Variants in TMEM117 observed in about 807,000 individuals in gnomAD.
TMEM117 encodes the protein transmembrane protein 117.
A neutral mutation model predicts 52.4 loss-of-function variants in TMEM117; 27 were observed. The observed-to-expected ratio is 0.51, with a 90% CI of 0.38 to 0.71. The LOEUF is 0.71. Among genes scored for constraint, TMEM117 ranks in the 30% least tolerant of loss-of-function variants. TMEM117 has a pLI of 0.00. For synonymous variants in TMEM117, 215 were observed against 206.3 expected (o/e 1.04, Z -0.36); for missense variants, 556 against 630.5 (o/e 0.88, Z 1.26).
chr12:43,851,665 A>T (rs1943310546), intron 2 of TMEM117, among the ~76,000 whole-genome samples: 1 of 152,244 alleles, frequency 6.6e-6, no homozygotes, highest in African/African-American at 2.4e-5. Flanking sequence ...ACATACATGC[A>T]TAATACAGTA....
chr12:44,376,462 A>G, intron 6 of TMEM117, 133 bp from the exon 7 acceptor site: 1 of 1,056,014 alleles, frequency 9.5e-7, no homozygotes, highest in Middle Eastern at 2.0e-4. Context: ...TCACAGAATG[A>G]AACTGATATA....
chr12:44,333,311 C>T (rs1527319), intron 6 of TMEM117, among the ~76,000 whole-genome samples: 96,219 of 151,486 alleles, frequency 0.64, 31,294 homozygotes, highest in East Asian at 0.9. Context: ...TGGATAAAAC[C>T]GGAACTGCCC....
At chr12:43,952,380 G>A (rs188725982) in intron 3 of TMEM117, among the ~76,000 whole-genome samples, 75 of 152,208 alleles carry the variant, frequency 4.9e-4, no homozygotes, top group African/African-American at 1.6e-3. Context: ...ATTCAAAGAA[G>A]CTAAGACCCA....
At chr12:43,899,494 T>C (rs1337455309) in intron 2 of TMEM117, among the ~76,000 whole-genome samples, 2 of 152,238 alleles carry the variant, frequency 1.3e-5, no homozygotes, top group Admixed American at 6.5e-5. Flanking sequence ...CCTATCATGA[T>C]CATTCTGAAG....
intron 3 of TMEM117, among the ~76,000 whole-genome samples, chr12:44,029,021 A>T (rs527657023): frequency 1.3e-5 from 2 of 152,352 alleles, no homozygotes; most frequent in South Asian, 4.1e-4. Flanking sequence ...CAAAGGAAAT[A>T]GACAGCACTG....
chr12:44,042,823 C>T (rs1027571706), intron 3 of TMEM117, among the ~76,000 whole-genome samples: 1 of 150,846 alleles, frequency 6.6e-6, no homozygotes. Flanking sequence ...TTAGTTCTGC[C>T]CCTCTAGGGA....
chr12:44,057,571 T>A (rs1947075836), intron 3 of TMEM117, among the ~76,000 whole-genome samples: 1 of 151,770 alleles, frequency 6.6e-6, no homozygotes. Flanking sequence ...ATAGAAAGTC[T>A]GTGCTATGAT....
chr12:44,176,742 G>A (rs1485788405), intron 4 of TMEM117, among the ~76,000 whole-genome samples: 2 of 152,070 alleles, frequency 1.3e-5, no homozygotes, highest in East Asian at 3.8e-4. Flanking sequence ...AATCAAATCT[G>A]GTGGCTCTCA....
chr12:44,224,143 C>T (rs571382043), intron 5 of TMEM117, among the ~76,000 whole-genome samples: 1 of 152,230 alleles, frequency 6.6e-6, no homozygotes, highest in East Asian at 1.9e-4. Context: ...CTCTTACACA[C>T]ACCCACACAC....
chr12:43,810,212 G>T, the TMEM117 span, among the ~76,000 whole-genome samples: 2 of 152,178 alleles, frequency 1.3e-5, no homozygotes. Context: ...AAGTGCCTTA[G>T]CAACAGCATC....
rs182778494 is a variant in TMEM117, at chr12:44,378,933, G to A, written c.898+2209G>A. 5.9e-5 allele frequency among the ~76,000 whole-genome samples: 9 copies of A among 152,226 alleles called. No homozygotes were observed. In the East Asian group the frequency reaches 1.7e-3, roughly 29 times the overall value. The stretch of plus-strand genomic sequence containing the variant: ...TGAAATGTGCCATGCAAACAATTGG[G>A]TGTCTGGACTTGCCAAAAAGGCTTT... On this transcript the variant is annotated intron_variant, in intron 7 of 7. Coordinates refer to ENST00000266534, the MANE Select transcript of TMEM117 (RefSeq NM_032256.3).
At chr12:44,119,615 G>A (rs1211701624) in intron 3 of TMEM117, among the ~76,000 whole-genome samples, 1 of 152,162 alleles carries the variant, frequency 6.6e-6, no homozygotes, top group East Asian at 1.9e-4. Context: ...TTGTGGCTTA[G>A]TGTGGTGACT....
intron 2 of TMEM117, among the ~76,000 whole-genome samples, chr12:43,859,344 G>A (rs998379719): frequency 2.0e-5 from 3 of 152,110 alleles, no homozygotes; most frequent in African/African-American, 7.2e-5. Context: ...CAGTAGTTTT[G>A]GGTAGACTGG....
At chr12:44,177,964 A>G (rs553635655) in intron 4 of TMEM117, among the ~76,000 whole-genome samples, 1 of 152,300 alleles carries the variant, frequency 6.6e-6, no homozygotes, top group Admixed American at 6.5e-5. Flanking sequence ...TGTTGAAGTT[A>G]TACCAAAACT....
chr12:43,796,928 A>T, the TMEM117 span: 1 of 1,576,022 alleles, frequency 6.3e-7, no homozygotes, highest in South Asian at 1.1e-5. Flanking sequence ...CATAGAAATG[A>T]AAAGAAAAAT....
chr12:44,135,669 G>A (rs1948479999), intron 3 of TMEM117, among the ~76,000 whole-genome samples: 1 of 152,072 alleles, frequency 6.6e-6, no homozygotes, highest in South Asian at 2.1e-4. Context: ...GGAGAGAGAA[G>A]AGAAAGAAAA....
intron 4 of TMEM117, among the ~76,000 whole-genome samples, chr12:44,169,305 C>T (rs1949012278): frequency 6.6e-6 from 1 of 152,198 alleles, no homozygotes; most frequent in Non-Finnish European, 1.5e-5. Flanking sequence ...ACAATTGCTA[C>T]CAGCAATGCA....
upstream of TMEM117, chr12:43,836,070 G>C (rs1392996450): frequency 6.6e-6 from 1 of 151,756 alleles, no homozygotes; most frequent in Non-Finnish European, 1.5e-5. Flanking sequence ...CTCCGTGACA[G>C]CAGCAGCGGC....
At chr12:43,885,403 CT>C (rs1282370409) in intron 2 of TMEM117, among the ~76,000 whole-genome samples, 48 of 55,956 alleles carry the variant, frequency 8.6e-4, no homozygotes, top group East Asian at 1.4e-3. Flanking sequence ...CCCCTATTTT[CT>C]TTTTCTTTTC....
Sources: allele counts gnomAD v4.1 joint callset (sites outside exome capture counted in the v4.1 genomes callset), GRCh38; gene constraint gnomAD v4.1.1; transcripts MANE v1.5; gene names NCBI Gene and HGNC (gene_info 2026-07-23, HGNC 2026-07-21).